The following KIF26B variants were observed in gnomAD, a reference collection of about 807,000 sequenced individuals.
The protein encoded by KIF26B is kinesin-like protein KIF26B.
Under a neutral mutation model 151.2 loss-of-function variants are expected in KIF26B, and 63 were observed. The observed-to-expected ratio is 0.42, with a 90% CI of 0.34 to 0.51. KIF26B has a LOEUF of 0.51. KIF26B is among the 20% of genes least tolerant of loss of function. The probability of loss-of-function intolerance (pLI) is 0.07; values close to 1 mark genes in which losing one functional copy is unlikely to be tolerated. For missense variants in KIF26B, 2,813 were observed against 2,913.6 expected (o/e 0.97, Z 0.79); for synonymous variants, 1,357 against 1,262.1 (o/e 1.08, Z -1.59).
intron 2 of KIF26B, among the ~76,000 whole-genome samples, chr1:245,184,050 G>GTTGTTTTTTTTTTTTTTTTTTTTTTTT (rs1553332271): frequency 8.1e-4 from 16 of 19,806 alleles, no homozygotes; most frequent in South Asian, 2.8e-3. Flanking sequence ...GGGAGTTGTT[G>GTTGTTTTTTTTTTTTTTTTTTTTTTTT]TTTTTTTTTT....
chr1:245,282,463 G>A (rs1196996953), intron 2 of KIF26B, among the ~76,000 whole-genome samples: 3 of 152,188 alleles, frequency 2.0e-5, no homozygotes, highest in Admixed American at 6.5e-5. Flanking sequence ...CAAACATGGC[G>A]ATTCCCACAC....
intron 2 of KIF26B, among the ~76,000 whole-genome samples, chr1:245,275,611 T>C (rs986429454): frequency 6.6e-6 from 1 of 152,216 alleles, no homozygotes; most frequent in African/African-American, 2.4e-5. Flanking sequence ...CTTGTTTTTG[T>C]CAGGTTTCTC....
chr1:245,575,748 A>G (rs1188883436), intron 5 of KIF26B, among the ~76,000 whole-genome samples: 2 of 152,178 alleles, frequency 1.3e-5, no homozygotes, highest in African/African-American at 4.8e-5. Flanking sequence ...CAATATCATA[A>G]TATCATAAAT....
At chr1:245,670,437 T>C (rs2044272682) in intron 10 of KIF26B, among the ~76,000 whole-genome samples, 1 of 151,694 alleles carries the variant, frequency 6.6e-6, no homozygotes, top group African/African-American at 2.4e-5. Flanking sequence ...TTGATATATA[T>C]TGTGAAATTA....
At chr1:245,292,758 A>G (rs144331040) in intron 2 of KIF26B, among the ~76,000 whole-genome samples, 19 of 152,270 alleles carry the variant, frequency 1.2e-4, no homozygotes, top group African/African-American at 4.1e-4. Flanking sequence ...CAGTGGAGTC[A>G]ACCAGATGTG....
intron 4 of KIF26B, among the ~76,000 whole-genome samples, chr1:245,463,538 G>A (rs1370478842): frequency 2.0e-5 from 3 of 152,212 alleles, no homozygotes; most frequent in Admixed American, 6.5e-5. Flanking sequence ...GGACATGAAA[G>A]TATTTGGATC....
rs191381335 is a variant in KIF26B at position 245,584,180 on chromosome 1, C to T, written c.1351-18397C>T. ...ATTTAAAAGTGTGTGTTTCCTGCCCCGTCTCATGCTCCCATTCTCATCACG... is the reference window on the plus strand; with the variant it reads ...ATTTAAAAGTGTGTGTTTCCTGCCCTGTCTCATGCTCCCATTCTCATCACG... On this transcript the variant is annotated intron_variant, in intron 5 of 14. Transcript: ENST00000407071. Among the ~76,000 whole-genome samples the T allele has an allele frequency of 1.1e-3, 169 of 152,196 alleles. 2 individuals are homozygous for T. In the South Asian group the frequency reaches 0.031, roughly 28 times the overall value.
At chr1:245,195,856 C>G (rs1004065295) in intron 2 of KIF26B, among the ~76,000 whole-genome samples, 2 of 152,130 alleles carry the variant, frequency 1.3e-5, no homozygotes, top group African/African-American at 4.8e-5. Flanking sequence ...GTGCTCGGAA[C>G]CATTTGAGGC....
chr1:245,273,188 C>T (rs763490065), intron 2 of KIF26B, among the ~76,000 whole-genome samples: 4 of 151,600 alleles, frequency 2.6e-5, no homozygotes, highest in Non-Finnish European at 4.4e-5. Flanking sequence ...CCGAGGTGGG[C>T]GGATCACTTG....
intron 9 of KIF26B, among the ~76,000 whole-genome samples, chr1:245,641,147 T>C (rs2043887439): frequency 7.9e-5 from 12 of 152,004 alleles, no homozygotes; most frequent in Non-Finnish European, 1.5e-5. Context: ...TTGAATAATA[T>C]CATCTCACTC....
intron 2 of KIF26B, among the ~76,000 whole-genome samples, chr1:245,334,589 G>A (rs147463861): frequency 1.7e-4 from 26 of 152,338 alleles, no homozygotes; most frequent in African/African-American, 6.0e-4. Flanking sequence ...CCTCCATCTG[G>A]GGTCAGACCC....
intron 12 of KIF26B, among the ~76,000 whole-genome samples, chr1:245,690,748 G>T (rs992764862): frequency 6.6e-6 from 1 of 151,748 alleles, no homozygotes; most frequent in African/African-American, 2.4e-5. Context: ...CCTGGGGGGG[G>T]GGTATGCTTC....
intron 2 of KIF26B, among the ~76,000 whole-genome samples, chr1:245,162,532 C>G (rs1015770879): frequency 6.6e-6 from 1 of 151,864 alleles, no homozygotes; most frequent in Non-Finnish European, 1.5e-5. Context: ...ACTACAGGCG[C>G]CCGCCACCAC....
At chr1:245,224,834 A>T (rs1300986212) in intron 2 of KIF26B, among the ~76,000 whole-genome samples, 1 of 152,220 alleles carries the variant, frequency 6.6e-6, no homozygotes, top group Non-Finnish European at 1.5e-5. Context: ...GAGTAGAAAA[A>T]GTTTACTGAT....
chr1:245,689,046 A>C (rs1464327722), intron 12 of KIF26B, among the ~76,000 whole-genome samples: 1 of 152,066 alleles, frequency 6.6e-6, no homozygotes, highest in African/African-American at 2.4e-5. Context: ...CGCCGGGGAC[A>C]TCACCGCGGA....
rs538471468 is a variant in KIF26B at position 245,186,546 on chromosome 1, G to T, written c.465+29863G>T. Among the ~76,000 whole-genome samples the T allele has an allele frequency of 5.3e-5, 8 of 152,276 alleles. No homozygotes were observed. In the South Asian group the frequency reaches 1.7e-3, roughly 32 times the overall value. ...TGTTCTGAGAAAGTGAGCTTGAAAG[G>T]GGGTGTAGGAGTCAAAGGTGAGAGG... On this transcript the variant is annotated intron_variant, in intron 2 of 14. Coordinates refer to ENST00000407071, the MANE Select transcript of KIF26B (RefSeq NM_018012.4).
Position 245,702,451 on chromosome 1 carries a change from C to T in KIF26B, c.6179-7C>T. Reference sequence around the variant, plus strand: ...TGCGTCTCCATCAGGCTCTTCCTCTCTTGCAGTTGACTTGGAGCAGGTTTG... The same window carrying T: ...TGCGTCTCCATCAGGCTCTTCCTCTTTTGCAGTTGACTTGGAGCAGGTTTG... On this transcript the variant is annotated splice_region_variant and splice_polypyrimidine_tract_variant and intron_variant, in intron 14 of 14. Coordinates refer to ENST00000407071, the MANE Select transcript of KIF26B (RefSeq NM_018012.4). The surrounding 1 kb of genome is among the most constrained non-coding windows in gnomAD (Gnocchi z 4.1). The T allele has an allele frequency of 6.2e-7, 1 of 1,613,888 alleles. No individual in the cohort carries two copies. Among genetic ancestry groups the T allele is most frequent in the Non-Finnish European group, 8.5e-7 (1 of 1,179,840 alleles).
chr1:245,419,461 A>C lies in KIF26B; in HGVS notation c.1000-118A>C, dbSNP rs562874556. On this transcript the variant is annotated intron_variant, in intron 3 of 14. Transcript: ENST00000407071. ...TAAGCATCCACGTGTAACTGAATGC[A>C]GGTGGGATAGAAACCTGTTCCCTCT... 7.1e-5 allele frequency: 59 copies of C among 833,288 alleles called. 1 individual carries two copies. The highest frequency in any genetic ancestry group is 6.2e-4 in the South Asian group (32 of 51,412). 51.6% of individuals were successfully genotyped at this position (833,288 alleles called of 1,614,324 possible).
chr1:245,311,129 G>A (rs978730836), intron 2 of KIF26B, among the ~76,000 whole-genome samples: 2 of 152,148 alleles, frequency 1.3e-5, no homozygotes, highest in African/African-American at 4.8e-5. Flanking sequence ...AGCAAAAGCG[G>A]AAGAGAGAAG....
Sources: gnomAD v4.1 joint callset for allele counts (sites outside exome capture counted in the v4.1 genomes callset) on GRCh38, gnomAD v4.1.1 for gene constraint, Gnocchi (gnomAD v3.1) non-coding constraint, MANE v1.5 for transcripts, NCBI Gene and HGNC (gene_info 2026-07-23, HGNC 2026-07-21) for gene names.